SLC23A2: variants seen among roughly 807,000 people sequenced by gnomAD.
SLC23A2 encodes Na(+)/L-ascorbic acid transporter 2.
A neutral mutation model predicts 73.3 loss-of-function variants in SLC23A2; 36 were observed. The observed-to-expected ratio is 0.49, with a 90% CI of 0.38 to 0.65. SLC23A2 has a LOEUF of 0.65. Among genes scored for constraint, SLC23A2 ranks in the 30% least tolerant of loss-of-function variants. The pLI is 0.00. For synonymous variants in SLC23A2, 343 were observed against 327.3 expected (o/e 1.05, Z -0.52); for missense variants, 507 against 841.6 (o/e 0.60, Z 4.92).
intron 6 of SLC23A2, among the ~76,000 whole-genome samples, chr20:4,888,290 G>T (rs1203039774): frequency 6.6e-6 from 1 of 152,172 alleles, no homozygotes; most frequent in South Asian, 2.1e-4. Context: ...CTGCTTTCAC[G>T]CTATCACGGT....
At chr20:5,004,913 C>T (rs965707530), upstream of SLC23A2, among the ~76,000 whole-genome samples, 7 of 151,854 alleles carry the variant, frequency 4.6e-5, no homozygotes, top group Non-Finnish European at 8.8e-5. Flanking sequence ...GCAGGAGAAG[C>T]GCTTGAACCC....
intron 2 of SLC23A2, among the ~76,000 whole-genome samples, chr20:4,943,155 G>C (rs572958813): frequency 1.3e-5 from 2 of 150,994 alleles, no homozygotes; most frequent in Admixed American, 1.3e-4. Context: ...GGGCGGTGTG[G>C]AGAAGATAGA....
chr20:4,903,963 G>A (rs1931843732), intron 4 of SLC23A2, among the ~76,000 whole-genome samples: 1 of 152,106 alleles, frequency 6.6e-6, no homozygotes, highest in Non-Finnish European at 1.5e-5. Flanking sequence ...CTGGTACGTG[G>A]GGGATAACCT....
chr20:4,891,197 T>C (rs76584522), intron 6 of SLC23A2, among the ~76,000 whole-genome samples: 1 of 151,778 alleles, frequency 6.6e-6, no homozygotes, highest in Non-Finnish European at 1.5e-5. Flanking sequence ...AGGAGGAGGA[T>C]GAGCAATTCA....
At chr20:5,009,945 AT>A (rs2122415057) in intron 1 of SLC23A2, among the ~76,000 whole-genome samples, 1 of 152,206 alleles carries the variant, frequency 6.6e-6, no homozygotes, top group South Asian at 2.1e-4. Flanking sequence ...ATTACAAAAA[AT>A]TAGCCGGGCG....
intron 9 of SLC23A2, among the ~76,000 whole-genome samples, chr20:4,880,719 C>T (rs1275850350): frequency 1.3e-5 from 2 of 151,858 alleles, no homozygotes; most frequent in East Asian, 1.9e-4. Context: ...AATTCAAGAT[C>T]ATGTCCCACC....
At chr20:4,968,279 C>T (rs1021586060) in intron 2 of SLC23A2, among the ~76,000 whole-genome samples, 20 of 152,238 alleles carry the variant, frequency 1.3e-4, no homozygotes, top group East Asian at 9.7e-4. Flanking sequence ...GATGCCACTA[C>T]GGAGGTCCAG....
At chr20:4,864,577 A>G (rs1930118980) in intron 13 of SLC23A2, among the ~76,000 whole-genome samples, 1 of 152,246 alleles carries the variant, frequency 6.6e-6, no homozygotes, top group Admixed American at 6.5e-5. Context: ...TAATGGCCCT[A>G]TCTTCAGCAA....
chr20:4,891,243 A>G (rs750372159), intron 6 of SLC23A2, among the ~76,000 whole-genome samples: 25 of 152,318 alleles, frequency 1.6e-4, no homozygotes, highest in Non-Finnish European at 3.5e-4. Context: ...GAAGGACCTG[A>G]CAGTTGAAGA....
chr20:5,007,097 A>C (rs552206506), intron 1 of SLC23A2, among the ~76,000 whole-genome samples: 1 of 152,222 alleles, frequency 6.6e-6, no homozygotes, highest in Middle Eastern at 3.4e-3. Flanking sequence ...GATCTATGAG[A>C]TAGGCACCGT....
Position 4,853,349 on chromosome 20 carries a change from C to T in SLC23A2, c.*3623G>A, listed in dbSNP as rs1929594762. On this transcript the variant is annotated 3_prime_UTR_variant, in exon 17 of 17. Coordinates refer to ENST00000338244, the MANE Select transcript of SLC23A2 (RefSeq NM_005116.6). ...TCTGCTACTGCTCCATATTCACCTT[C>T]AATCTGGCCTGGCCACTCCCATGGC... 1 of 152,674 alleles carries T rather than the reference C, an allele frequency of 6.5e-6. No individual in the cohort carries two copies. Among genetic ancestry groups the T allele is most frequent in the African/African-American group, 2.4e-5 (1 of 41,460 alleles). 9.5% of individuals were successfully genotyped at this position (152,674 alleles called of 1,614,324 possible).
intron 4 of SLC23A2, among the ~76,000 whole-genome samples, chr20:4,904,760 T>C (rs1037078566): frequency 6.6e-6 from 1 of 152,248 alleles, no homozygotes; most frequent in Non-Finnish European, 1.5e-5. Context: ...CAACCTGTTA[T>C]ACAGTAATGT....
At chr20:4,955,186 T>C (rs2087264812) in intron 2 of SLC23A2, among the ~76,000 whole-genome samples, 1 of 151,966 alleles carries the variant, frequency 6.6e-6, no homozygotes, top group Admixed American at 6.6e-5. Flanking sequence ...TCCATGAGTT[T>C]GAGGCTGCAG....
chr20:4,895,039 C>T (rs1931467682), intron 6 of SLC23A2, among the ~76,000 whole-genome samples: 1 of 152,202 alleles, frequency 6.6e-6, no homozygotes, highest in Admixed American at 6.5e-5. Flanking sequence ...TCCAGCGTGA[C>T]AGAAATACTG....
chr20:4,931,916 T>C (rs1932795133), intron 3 of SLC23A2, among the ~76,000 whole-genome samples: 2 of 152,384 alleles, frequency 1.3e-5, no homozygotes, highest in South Asian at 2.1e-4. Flanking sequence ...TAGGTAACTT[T>C]ATACAAATCA....
Position 4,854,919 on chromosome 20 carries a change from A to G in SLC23A2, c.*2053T>C, listed in dbSNP as rs1929660290. 1 of 152,416 alleles carries G rather than the reference A, an allele frequency of 6.6e-6. No homozygotes were observed. Among genetic ancestry groups the G allele is most frequent in the Admixed American group, 6.6e-5 (1 of 15,266 alleles). The allele number at this position is 152,416 out of a possible 1,614,324, so 9.4% of individuals were successfully genotyped here. A position where few individuals can be genotyped will look rare whatever the true frequency, so the allele number is the denominator to read the frequency against. ...TTTAGCAGTTTTCCCCATTTTTCAG[A>G]GCAGAGAAACTGGAGATGTTGAGCA... is the stretch of plus-strand genomic sequence containing the variant. On this transcript the variant is annotated 3_prime_UTR_variant, in exon 17 of 17. Transcript: ENST00000338244.
rs531976718 is a variant in SLC23A2 at position 4,874,975 on chromosome 20, T to C, written c.825-279A>G. ...ATGCCTTAGGACAGCTTTTCCTAAA[T>C]AGAATAAGAAAACCCAAAGAATGTA... On this transcript the variant is annotated intron_variant, in intron 9 of 16. Coordinates refer to ENST00000338244, the MANE Select transcript of SLC23A2 (RefSeq NM_005116.6). Among the ~76,000 whole-genome samples, 9 of 152,338 alleles carry C rather than the reference T, an allele frequency of 5.9e-5. 1 individual carries two copies. Among genetic ancestry groups the C allele is most frequent in the African/African-American group, 1.9e-4 (8 of 41,572 alleles).
At chr20:4,886,355 T>C (rs1308314300) in intron 6 of SLC23A2, among the ~76,000 whole-genome samples, 1 of 152,250 alleles carries the variant, frequency 6.6e-6, no homozygotes, top group Admixed American at 6.5e-5. Context: ...CCCTCCGTTG[T>C]TTCATTTTGT....
Position 4,856,905 on chromosome 20 carries a change from C to A in SLC23A2, c.*67G>T. ...AGATATACAAACATGTATTTTACTT[C>A]TTGTTACTCAGCAAGGAACTACAGA... On this transcript the variant is annotated 3_prime_UTR_variant, in exon 17 of 17. Coordinates refer to ENST00000338244, the MANE Select transcript of SLC23A2 (RefSeq NM_005116.6). This position sits in a 1 kb window ranked among gnomAD's most constrained non-coding sequence, Gnocchi z 4.6. 1.0e-6 allele frequency: 1 copy of A among 986,820 alleles called. No homozygotes were observed. Among genetic ancestry groups the A allele is most frequent in the Non-Finnish European group, 1.6e-6 (1 of 633,788 alleles). The allele number at this position is 986,820 out of a possible 1,614,324, so 61.1% of individuals were successfully genotyped here. A position where few individuals can be genotyped will look rare whatever the true frequency, so the allele number is the denominator to read the frequency against.
Sources: allele counts gnomAD v4.1 joint callset (sites outside exome capture counted in the v4.1 genomes callset), GRCh38; gene constraint gnomAD v4.1.1; non-coding constraint Gnocchi (gnomAD v3.1); transcripts MANE v1.5; gene names NCBI Gene and HGNC (gene_info 2026-07-23, HGNC 2026-07-21).